Variants in GLIS3 observed in about 807,000 individuals in gnomAD.
The protein encoded by GLIS3 is GLIS family zinc finger 3.
A neutral mutation model predicts 78.6 loss-of-function variants in GLIS3; 53 were observed. The ratio of observed to expected loss-of-function variants is 0.67; its 90% CI spans 0.54 to 0.85. GLIS3 has a LOEUF of 0.85. Among genes scored for constraint, GLIS3 ranks in the 40% least tolerant of loss-of-function variants. The pLI is 0.00. For synonymous variants in GLIS3, 684 were observed against 509.9 expected (o/e 1.34, Z -4.60); for missense variants, 1,703 against 1,231.1 (o/e 1.38, Z -5.74).
intron 2 of GLIS3, among the ~76,000 whole-genome samples, chr9:4,332,460 C>G (rs973135516): frequency 3.0e-4 from 46 of 152,332 alleles, no homozygotes; most frequent in Non-Finnish European, 4.6e-4. Context: ...AGTTCCAGTA[C>G]ACAGAATCTT....
chr9:4,276,806 C>G (rs1362867903), intron 2 of GLIS3, among the ~76,000 whole-genome samples: 1 of 152,142 alleles, frequency 6.6e-6, no homozygotes, highest in Non-Finnish European at 1.5e-5. Context: ...AAACTGGACC[C>G]TGTGTAGCTC....
intron 2 of GLIS3, among the ~76,000 whole-genome samples, chr9:4,208,060 C>T (rs971920425): frequency 2.0e-5 from 3 of 152,326 alleles, no homozygotes; most frequent in South Asian, 2.1e-4. Context: ...ATACCACTAA[C>T]GTCACATTAA....
intron 2 of GLIS3, among the ~76,000 whole-genome samples, chr9:4,270,170 G>A (rs924503931): frequency 5.9e-5 from 9 of 152,158 alleles, no homozygotes; most frequent in African/African-American, 2.2e-4. Context: ...TTGCAAACTG[G>A]CACTGCTGAC....
chr9:4,094,225 G>A (rs565114), intron 4 of GLIS3, among the ~76,000 whole-genome samples: 109,724 of 152,024 alleles, frequency 0.72, 40,058 homozygotes, highest in African/African-American at 0.83. Context: ...AAATTATTAA[G>A]AAGACAAACA....
intron 2 of GLIS3, among the ~76,000 whole-genome samples, chr9:4,257,144 T>C (rs892644679): frequency 1.1e-4 from 16 of 152,338 alleles, no homozygotes; most frequent in African/African-American, 3.6e-4. Context: ...TGTGTACATA[T>C]GGAGTATTAT....
chr9:4,016,040 G>T (rs572545168), intron 4 of GLIS3, among the ~76,000 whole-genome samples: 2 of 152,086 alleles, frequency 1.3e-5, no homozygotes, highest in African/African-American at 2.4e-5. Flanking sequence ...TTTGTGGAAG[G>T]CTATTAAGCG....
chr9:3,976,788 C>A (rs1818826411), intron 4 of GLIS3, among the ~76,000 whole-genome samples: 1 of 67,794 alleles, frequency 1.5e-5, no homozygotes, highest in Non-Finnish European at 2.6e-5. Context: ...CAGAAATCCT[C>A]CCCCTGCAAA....
intron 4 of GLIS3, among the ~76,000 whole-genome samples, chr9:3,941,797 G>C (rs1563874754): frequency 6.6e-6 from 1 of 152,078 alleles, no homozygotes; most frequent in East Asian, 1.9e-4. Flanking sequence ...TAATTAGAAA[G>C]TTTAAGTTAT....
At chr9:3,883,362 A>C (rs1479330899) in intron 7 of GLIS3, among the ~76,000 whole-genome samples, 5 of 152,240 alleles carry the variant, frequency 3.3e-5, no homozygotes. Flanking sequence ...TTAATGTTTT[A>C]AGTCTGAATA....
chr9:4,410,009 C>A, the GLIS3 span, among the ~76,000 whole-genome samples: 1 of 151,942 alleles, frequency 6.6e-6, no homozygotes, highest in Admixed American at 6.6e-5. Context: ...CTCACTCTGT[C>A]ACCCAGGCTG....
Position 4,298,248 on chromosome 9 carries a change from C to T in GLIS3, c.-99+1173G>A, listed in dbSNP as rs114436110. ...CGGGCTCGCAGTCCCCCCACGCCGG[C>T]CCCCCGGTCCCCGCCGAGCCAGTGT... is the stretch of plus-strand genomic sequence containing the variant. On this transcript the variant is annotated intron_variant, in intron 1 of 10. Transcript: ENST00000381971. The T allele has an allele frequency of 8.9e-3, 2,695 of 303,484 alleles. 67 individuals are homozygous for T. The highest frequency in any genetic ancestry group is 0.057 in the African/African-American group (2,491 of 43,678). 18.8% of individuals were successfully genotyped at this position (303,484 alleles called of 1,614,324 possible).
chr9:4,405,253 C>A, the GLIS3 span, among the ~76,000 whole-genome samples: 5 of 151,964 alleles, frequency 3.3e-5, no homozygotes, highest in East Asian at 3.9e-4. Flanking sequence ...ACTCAGGAGG[C>A]TGAGGCAGGA....
intron 6 of GLIS3, among the ~76,000 whole-genome samples, chr9:3,923,310 T>C (rs749385683): frequency 5.9e-5 from 9 of 152,206 alleles, no homozygotes; most frequent in Non-Finnish European, 1.0e-4. Context: ...TCGACCTTTT[T>C]ACCTCAATGC....
chr9:4,245,025 A>G (rs1207662580), intron 2 of GLIS3, among the ~76,000 whole-genome samples: 1 of 152,244 alleles, frequency 6.6e-6, no homozygotes, highest in Non-Finnish European at 1.5e-5. Flanking sequence ...AAGATCCTTA[A>G]TCAAATAAAA....
chr9:4,467,692 G>A, the GLIS3 span, among the ~76,000 whole-genome samples: 1 of 152,128 alleles, frequency 6.6e-6, no homozygotes, highest in Non-Finnish European at 1.5e-5. Flanking sequence ...AACCAAAACA[G>A]AAAAGCTGAA....
chr9:3,866,765 A>G (rs1003306297), intron 8 of GLIS3, among the ~76,000 whole-genome samples: 1 of 152,218 alleles, frequency 6.6e-6, no homozygotes, highest in Admixed American at 6.5e-5. Context: ...TGGAGTTTGA[A>G]TTTTATTTCA....
At chr9:4,261,039 G>T (rs529888771) in intron 2 of GLIS3, among the ~76,000 whole-genome samples, 1 of 152,296 alleles carries the variant, frequency 6.6e-6, no homozygotes, top group African/African-American at 2.4e-5. Context: ...TAAAGACAAT[G>T]TAGTACTAGA....
In GLIS3 at chr9:3,824,445, C is replaced by G. The variant is rs1026283649; in HGVS notation, c.*3827G>C. On this transcript the variant is annotated 3_prime_UTR_variant, in exon 11 of 11. Transcript: ENST00000381971. Reference sequence around the variant, plus strand: ...TGCCATTGTGTTTTAAACCGACAGGCTGAAGGAGGATTTTAGGCAGGAGGG... The same window carrying G: ...TGCCATTGTGTTTTAAACCGACAGGGTGAAGGAGGATTTTAGGCAGGAGGG... The G allele has an allele frequency of 6.6e-6, 1 of 152,372 alleles. No individual in the cohort carries two copies. The highest frequency in any genetic ancestry group is 1.5e-5 in the Non-Finnish European group (1 of 68,028). The allele number at this position is 152,372 out of a possible 1,614,324, so 9.4% of individuals were successfully genotyped here. A position where few individuals can be genotyped will look rare whatever the true frequency, so the allele number is the denominator to read the frequency against.
At chr9:4,325,367 G>C (rs775489607) in intron 2 of GLIS3, among the ~76,000 whole-genome samples, 1 of 152,182 alleles carries the variant, frequency 6.6e-6, no homozygotes, top group Non-Finnish European at 1.5e-5. Context: ...AAATGTGCTA[G>C]GGCATAATGT....
Sources: gnomAD v4.1 joint callset for allele counts (sites outside exome capture counted in the v4.1 genomes callset) on GRCh38, gnomAD v4.1.1 for gene constraint, MANE v1.5 for transcripts, NCBI Gene and HGNC (gene_info 2026-07-23, HGNC 2026-07-21) for gene names.